The following GIGYF2 variants were observed in gnomAD, a reference collection of about 807,000 sequenced individuals.
GIGYF2 encodes GRB10-interacting GYF protein 2.
A neutral mutation model predicts 208.1 loss-of-function variants in GIGYF2; 25 were observed. The ratio of observed to expected loss-of-function variants is 0.12; its 90% CI spans 0.09 to 0.17. The LOEUF is 0.17. Among genes scored for constraint, GIGYF2 ranks in the 10% least tolerant of loss-of-function variants. The pLI, the probability that GIGYF2 is intolerant of heterozygous loss-of-function variation, is 1.00. For missense variants in GIGYF2, 1,302 were observed against 1,579.4 expected (o/e 0.82, Z 2.98); for synonymous variants, 534 against 543.8 (o/e 0.98, Z 0.25).
At chr2:232,788,424 C>A in intron 9 of GIGYF2, 1 of 306,586 alleles carries the variant, frequency 3.3e-6, no homozygotes, top group Non-Finnish European at 7.1e-6. Context: ...TAGTCTGTGA[C>A]CTGGGCCAGA....
At chr2:232,699,590 A>G (rs990715476) in intron 1 of GIGYF2, among the ~76,000 whole-genome samples, 1 of 152,216 alleles carries the variant, frequency 6.6e-6, no homozygotes, top group South Asian at 2.1e-4. Flanking sequence ...ACGTTTTAAA[A>G]TGAGATTGAT....
Position 232,812,065 on chromosome 2 carries a change from A to T in GIGYF2, c.2007-326A>T, listed in dbSNP as rs549558579. ...ATAATATGCTGTCTCTGTGACTTCT[A>T]TTGAGATGATCTGGGTTTTTTAAGA... is the stretch of plus-strand genomic sequence containing the variant. On this transcript the variant is annotated intron_variant, in intron 17 of 28. Coordinates refer to ENST00000373563, the MANE Select transcript of GIGYF2 (RefSeq NM_001103146.3). 3.3e-4 allele frequency among the ~76,000 whole-genome samples: 51 copies of T among 152,258 alleles called. No individual in the cohort carries two copies. The South Asian group carries it at 9.5e-3, about 28-fold the overall frequency.
chr2:232,769,177 T>C (rs1382158497), intron 8 of GIGYF2, among the ~76,000 whole-genome samples: 1 of 152,172 alleles, frequency 6.6e-6, no homozygotes, highest in Non-Finnish European at 1.5e-5. Flanking sequence ...CCAGATTACG[T>C]TGAAGTAGAG....
intron 1 of GIGYF2, among the ~76,000 whole-genome samples, chr2:232,699,877 AG>A (rs1695768793): frequency 6.6e-6 from 1 of 152,234 alleles, no homozygotes; most frequent in Non-Finnish European, 1.5e-5. Context: ...TTACACGTGT[AG>A]AACTTTTTGT....
chr2:232,747,928 C>G (rs537665776), intron 4 of GIGYF2, among the ~76,000 whole-genome samples, 184 bp downstream of exon 4: 1 of 152,126 alleles, frequency 6.6e-6, no homozygotes, highest in East Asian at 1.9e-4. Flanking sequence ...TTATCACACA[C>G]TATATTTTAG....
At chr2:232,814,590 C>A (rs1314101927) in intron 18 of GIGYF2, among the ~76,000 whole-genome samples, 1 of 122,674 alleles carries the variant, frequency 8.2e-6, no homozygotes, top group Non-Finnish European at 1.7e-5. Context: ...AAAAAAAGTA[C>A]CTTCAGGCTA....
At chr2:232,699,259 A>C (rs1695740697) in intron 1 of GIGYF2, among the ~76,000 whole-genome samples, 1 of 152,230 alleles carries the variant, frequency 6.6e-6, no homozygotes, top group South Asian at 2.1e-4. Context: ...AGACCCGGAG[A>C]CAAAAGCTTA....
Position 232,857,396 on chromosome 2 carries a change from G to A in GIGYF2, c.*536G>A, listed in dbSNP as rs114917134. The A allele has an allele frequency of 2.0e-3, 343 of 174,540 alleles. 1 individual carries two copies. Among genetic ancestry groups the A allele is most frequent in the African/African-American group, 7.3e-3 (305 of 41,916 alleles). 10.8% of individuals were successfully genotyped at this position (174,540 alleles called of 1,614,324 possible). On this transcript the variant is annotated 3_prime_UTR_variant, in exon 29 of 29. Coordinates refer to ENST00000373563, the MANE Select transcript of GIGYF2 (RefSeq NM_001103146.3). ...TCAGAGCTCTCCCGGTCTGAAAGTTGCATTGCCACTGCTAACTTTGGGATT... is the reference window on the plus strand; with the variant it reads ...TCAGAGCTCTCCCGGTCTGAAAGTTACATTGCCACTGCTAACTTTGGGATT...
In GIGYF2 at chr2:232,720,778, A is replaced by G. The variant is rs769944615; in HGVS notation, c.-43-14377A>G. ...CCTAGCTAATTTTTGTATTTTTAGT[A>G]GAGACGGGGTTTTGCCATGTTGGCC... On this transcript the variant is annotated intron_variant, in intron 2 of 28. Transcript: ENST00000373563. 9.7e-4 allele frequency among the ~76,000 whole-genome samples: 148 copies of G among 152,100 alleles called. 2 individuals carry two copies. Among genetic ancestry groups the G allele is most frequent in the Non-Finnish European group, 1.3e-3 (91 of 67,988 alleles).
chr2:232,738,956 C>T (rs550470599), intron 3 of GIGYF2, among the ~76,000 whole-genome samples: 1 of 152,280 alleles, frequency 6.6e-6, no homozygotes, highest in Admixed American at 6.5e-5. Flanking sequence ...TGGTGCTAAA[C>T]TCCTTAGATT....
chr2:232,792,992 C>T (rs548784781), intron 12 of GIGYF2, among the ~76,000 whole-genome samples: 99 of 152,244 alleles, frequency 6.5e-4, no homozygotes, highest in African/African-American at 2.2e-3. Flanking sequence ...TTGGCAGACT[C>T]TTGGGATGCT....
intron 25 of GIGYF2, 129 bp from the exon 26 acceptor site, chr2:232,845,603 T>C: frequency 1.2e-6 from 1 of 822,524 alleles, no homozygotes; most frequent in South Asian, 1.5e-5. Context: ...TTTTCTTTTT[T>C]GGAGCCAAGC....
intron 7 of GIGYF2, 148 bp downstream of exon 7, chr2:232,760,739 A>G: frequency 1.6e-6 from 1 of 615,330 alleles, no homozygotes; most frequent in East Asian, 2.8e-5. Flanking sequence ...TGTACATTAG[A>G]AATTTTTAAA....
rs1491257923 is a variant in GIGYF2 at position 232,730,897 on chromosome 2, C to CAG, written c.-43-4257_-43-4256insGA. Among the ~76,000 whole-genome samples the CAG allele has an allele frequency of 8.6e-3, 445 of 51,608 alleles. 2 individuals are homozygous for CAG. The highest frequency in any genetic ancestry group is 0.029 in the African/African-American group (428 of 14,580). 33.9% of individuals were successfully genotyped at this position (51,608 alleles called of 152,430 possible). A position where few individuals can be genotyped will look rare whatever the true frequency, so the allele number is the denominator to read the frequency against. ...TGGGCGACAGAGCGAGACTCCGTCT[C>CAG]AAAAAAAAAAAAAAAAAAAAAAAAA... On this transcript the variant is annotated intron_variant, in intron 2 of 28. Coordinates refer to ENST00000373563, the MANE Select transcript of GIGYF2 (RefSeq NM_001103146.3).
Position 232,747,661 on chromosome 2 carries a change from T to C in GIGYF2, c.88T>C (p.Ser30Pro). Residue 30 changes from serine to proline, a missense_variant, in exon 4 of 29, where the codon TCT (serine) becomes CCT (proline). Around this residue, in one of 8 missense-constraint regions of GIGYF2, gnomAD observed 27 missense variants for 59.5 expected, o/e 0.45. Transcript: ENST00000373563. ...SGGSITSPPL[S>P]PALPKYKLAD... ...TGGGAGTATTACATCCCCTCCTCTT[T>C]CTCCAGCATTGCCGAAGTATAAATT... 1 of 1,613,918 alleles carries C rather than the reference T, an allele frequency of 6.2e-7. No individual in the cohort carries two copies. Among genetic ancestry groups the C allele is most frequent in the South Asian group, 1.1e-5 (1 of 91,080 alleles).
intron 2 of GIGYF2, among the ~76,000 whole-genome samples, chr2:232,710,055 G>A (rs930258012): frequency 3.3e-5 from 5 of 151,934 alleles, no homozygotes; most frequent in East Asian, 2.0e-4. Context: ...TGCCTCCCGG[G>A]TTCATGCCAT....
chr2:232,735,669 GT>G (rs1697702526), intron 3 of GIGYF2: 1 of 995,714 alleles, frequency 1.0e-6, no homozygotes, highest in African/African-American at 1.7e-5. Context: ...TAGGCAGGTA[GT>G]TCAGTATTAT....
In GIGYF2 at chr2:232,756,344, C is replaced by A; in HGVS notation, c.379+10C>A. ...TCTTCAAGAGGGCGAGGTGAGCTTTCATATGAAAAAAGTAATAATGGAGGA... is the reference window on the plus strand; with the variant it reads ...TCTTCAAGAGGGCGAGGTGAGCTTTAATATGAAAAAAGTAATAATGGAGGA... On this transcript the variant is annotated intron_variant, in intron 6 of 28. Transcript: ENST00000373563. The A allele has an allele frequency of 7.1e-7, 1 of 1,415,122 alleles. No homozygotes were observed. The highest frequency in any genetic ancestry group is 9.7e-7 in the Non-Finnish European group (1 of 1,032,448). 87.7% of individuals were successfully genotyped at this position (1,415,122 alleles called of 1,614,324 possible).
chr2:232,844,478 A>G lies in GIGYF2; in HGVS notation c.3209A>G (p.Asp1070Gly). The G allele has an allele frequency of 6.2e-7, 1 of 1,612,296 alleles. No homozygotes were observed. Among genetic ancestry groups the G allele is most frequent in the Non-Finnish European group, 8.5e-7 (1 of 1,178,314 alleles). The change falls in exon 25 of 29, where the codon GAC becomes GGC. Residue 1070 changes from aspartate (D) to glycine (G), a missense_variant. Asp to Gly is a moderately conservative substitution (Grantham distance 94). Around this residue, in one of 8 missense-constraint regions of GIGYF2, gnomAD observed 701 missense variants for 793.0 expected, o/e 0.88. Transcript: ENST00000373563. ...GTCAGTAGTATTTGGAGTAATGCTG[A>G]CACTAAAAACTCCAACATGGGATTC... ...DLVSSIWSNA[D>G]TKNSNMGFWD...
Sources: gnomAD v4.1 joint callset for allele counts (sites outside exome capture counted in the v4.1 genomes callset) on GRCh38, gnomAD v4.1.1 for gene constraint, gnomAD v4.1.1 regional missense constraint, MANE v1.5 for transcripts, NCBI Gene and HGNC (gene_info 2026-07-23, HGNC 2026-07-21) for gene names.